METTL15: variants seen among roughly 807,000 people sequenced by gnomAD.
METTL15 encodes methyltransferase 15, mitochondrial 12S rRNA N4-cytidine, also known as 12S rRNA N(4)-cytidine methyltransferase METTL15.
METTL15 carries 34 observed loss-of-function variants against 38.3 expected under a neutral mutation model. That is an observed-to-expected ratio of 0.89 (90% CI 0.68 to 1.18). The LOEUF is 1.18. Among genes scored for constraint, METTL15 ranks in the 50% most tolerant of loss-of-function variants. METTL15 has a pLI of 0.00. For synonymous variants in METTL15, 162 were observed against 170.9 expected (o/e 0.95, Z 0.41); for missense variants, 438 against 498.4 (o/e 0.88, Z 1.15).
intron 3 of METTL15, among the ~76,000 whole-genome samples, chr11:28,341,268 A>G (rs767434282): frequency 5.3e-5 from 8 of 152,200 alleles, no homozygotes; most frequent in Admixed American, 2.6e-4. Context: ...GTGTATACCT[A>G]TGTGACCTGC....
intron 4 of METTL15, among the ~76,000 whole-genome samples, chr11:28,288,859 GC>G (rs1184164103): frequency 6.6e-6 from 1 of 151,908 alleles, no homozygotes. Context: ...GTTTCATCTG[GC>G]CAGTGTTGGG....
At position 28,452,277 on chromosome 11, in the gene METTL15, A is replaced by G. The variant is rs1851129573; in HGVS notation, c.*424+27913A>G. 2.6e-5 allele frequency among the ~76,000 whole-genome samples: 4 copies of G among 152,216 alleles called. 1 individual carries two copies. In the South Asian group the frequency reaches 8.3e-4, roughly 32 times the overall value. On this transcript the variant is annotated intron_variant and NMD_transcript_variant, in intron 6 of 7. Coordinates refer to the METTL15 transcript ENST00000532947. ...ATTATATTCTGGTTACTTGTCCAAT[A>G]TCATTTACTGCATTCTTCAGGATAG...
chr11:28,236,786 G>A (rs901710963), intron 4 of METTL15, among the ~76,000 whole-genome samples: 1 of 152,030 alleles, frequency 6.6e-6, no homozygotes, highest in Non-Finnish European at 1.5e-5. Context: ...AGCTCTTTTA[G>A]GGCAGGCCTG....
intron 5 of METTL15, among the ~76,000 whole-genome samples, chr11:28,384,224 G>T (rs7116476): frequency 6.6e-6 from 1 of 151,866 alleles, no homozygotes; most frequent in Non-Finnish European, 1.5e-5. Flanking sequence ...TGGGCATTTT[G>T]GTTGATTCAA....
intron 6 of METTL15, among the ~76,000 whole-genome samples, chr11:28,519,706 G>A (rs1488497672): frequency 1.3e-5 from 2 of 152,122 alleles, no homozygotes; most frequent in Non-Finnish European, 2.9e-5. Flanking sequence ...TAGAGCAGCT[G>A]TACTTTTTTT....
intron 3 of METTL15, among the ~76,000 whole-genome samples, chr11:28,189,390 A>T (rs1851619423): frequency 6.6e-6 from 1 of 151,312 alleles, no homozygotes; most frequent in South Asian, 2.1e-4. Flanking sequence ...TAAATATAGG[A>T]TTATGTCTAA....
At chr11:28,164,302 G>C (rs1158876713) in intron 3 of METTL15, among the ~76,000 whole-genome samples, 2 of 151,980 alleles carry the variant, frequency 1.3e-5, no homozygotes, top group Non-Finnish European at 2.9e-5. Flanking sequence ...CATAAAACAA[G>C]AAATACTGAA....
At chr11:28,391,738 G>A (rs1227380104) in intron 5 of METTL15, among the ~76,000 whole-genome samples, 5 of 152,124 alleles carry the variant, frequency 3.3e-5, no homozygotes, top group Admixed American at 1.3e-4. Flanking sequence ...TTAATAAATG[G>A]TGCTGGGAAA....
intron 3 of METTL15, among the ~76,000 whole-genome samples, chr11:28,152,857 T>C (rs915139472): frequency 1.2e-4 from 18 of 152,002 alleles, no homozygotes; most frequent in African/African-American, 4.3e-4. Context: ...ATTTCTAGAT[T>C]ATATCCTAAA....
chr11:28,202,465 A>G (rs1590149716), intron 3 of METTL15, among the ~76,000 whole-genome samples: 1 of 152,024 alleles, frequency 6.6e-6, no homozygotes, highest in African/African-American at 2.4e-5. Context: ...AACTAGGCTT[A>G]TAGCTGTTTG....
At chr11:28,240,497 G>GTA (rs1324774019) in intron 4 of METTL15, among the ~76,000 whole-genome samples, 1 of 152,132 alleles carries the variant, frequency 6.6e-6, no homozygotes, top group Non-Finnish European at 1.5e-5. Context: ...CATTGACTGT[G>GTA]TAGAATATTA....
intron 5 of METTL15, among the ~76,000 whole-genome samples, chr11:28,392,857 T>C (rs569526148): frequency 6.6e-6 from 1 of 152,076 alleles, no homozygotes; most frequent in Non-Finnish European, 1.5e-5. Flanking sequence ...TGAATAGACA[T>C]TTCTCCAAAG....
chr11:28,273,330 C>T (rs1044629733), intron 4 of METTL15, among the ~76,000 whole-genome samples: 1 of 151,992 alleles, frequency 6.6e-6, no homozygotes, highest in African/African-American at 2.4e-5. Flanking sequence ...TAATGGTATT[C>T]ATATATAGTT....
chr11:28,215,916 C>G (rs1852844968), intron 4 of METTL15, among the ~76,000 whole-genome samples: 1 of 151,926 alleles, frequency 6.6e-6, no homozygotes, highest in Non-Finnish European at 1.5e-5. Context: ...ACTCAGGAGG[C>G]TGTGGTGGTA....
At chr11:28,529,556 G>A (rs776054184), downstream of METTL15, among the ~76,000 whole-genome samples, 4 of 133,424 alleles carry the variant, frequency 3.0e-5, no homozygotes, top group South Asian at 2.3e-4. Flanking sequence ...TACTTCTTTC[G>A]TGAATTGAGG....
At chr11:28,429,350 G>GCCCTCGCCCTCT (rs1850891936) in intron 6 of METTL15, among the ~76,000 whole-genome samples, 1 of 33,334 alleles carries the variant, frequency 3.0e-5, no homozygotes, top group African/African-American at 1.3e-4. Flanking sequence ...GTAAACAGTA[G>GCCCTCGCCCTCT]CCCTCTCCCT....
chr11:28,371,507 T>C (rs1309041631), intron 5 of METTL15, among the ~76,000 whole-genome samples: 1 of 152,070 alleles, frequency 6.6e-6, no homozygotes, highest in African/African-American at 2.4e-5. Flanking sequence ...TTTGGCTATT[T>C]GTGCTCTGTT....
intron 6 of METTL15, among the ~76,000 whole-genome samples, chr11:28,319,858 A>G (rs535587396): frequency 6.6e-5 from 10 of 152,308 alleles, no homozygotes; most frequent in Admixed American, 1.3e-4. Context: ...AGCATGTTGC[A>G]TTTCCCAGAC....
chr11:28,174,277 ACTG>A (rs1402349471), intron 3 of METTL15, among the ~76,000 whole-genome samples: 1 of 142,808 alleles, frequency 7.0e-6, no homozygotes, highest in Non-Finnish European at 1.5e-5. Context: ...TTTTTGTTTT[ACTG>A]CTTCTTGATT....
Sources: gnomAD v4.1 joint callset for allele counts (sites outside exome capture counted in the v4.1 genomes callset) on GRCh38, gnomAD v4.1.1 for gene constraint, MANE v1.5 for transcripts, NCBI Gene and HGNC (gene_info 2026-07-23, HGNC 2026-07-21) for gene names.